The following CPNE2 variants were observed in gnomAD, a reference collection of about 807,000 sequenced individuals.
CPNE2 encodes the protein copine-2.
CPNE2 carries 42 observed loss-of-function variants against 69.7 expected under a neutral mutation model. That is an observed-to-expected ratio of 0.60 (90% CI 0.47 to 0.78). The LOEUF is 0.78. CPNE2 is among the 30% of genes least tolerant of loss of function. The pLI is 0.00. For missense variants in CPNE2, 587 were observed against 732.0 expected (o/e 0.80, Z 2.29); for synonymous variants, 294 against 289.8 (o/e 1.01, Z -0.15).
chr16:57,110,837 G>T lies in CPNE2; in HGVS notation c.95G>T (p.Gly32Val). The change falls in exon 2 of 16, where the codon GGC becomes GTC. Residue 32 changes from glycine (G) to valine (V), a missense_variant. This residue lies in a region of CPNE2 where 96 missense variants were observed against 94.9 expected (regional missense o/e 1.01). Coordinates refer to ENST00000290776, the MANE Select transcript of CPNE2 (RefSeq NM_152727.6). ...TGCAAGGTGGAGCTGTCAGTGAGTG[G>T]CCAGAACCTACTGGACCGGGATGTT... ...CVCKVELSVS[G>V]QNLLDRDVTS... 1 of 1,613,948 alleles carries T rather than the reference G, an allele frequency of 6.2e-7. No individual in the cohort carries two copies. Among genetic ancestry groups the T allele is most frequent in the East Asian group, 2.2e-5 (1 of 44,850 alleles).
At chr16:57,140,387 G>C (rs1290307885) in intron 14 of CPNE2, among the ~76,000 whole-genome samples, 5 of 152,046 alleles carry the variant, frequency 3.3e-5, no homozygotes, top group African/African-American at 1.2e-4. Context: ...GGCCAGGCCT[G>C]TCTCAAACCC....
intron 1 of CPNE2, among the ~76,000 whole-genome samples, chr16:57,096,720 C>T (rs1254462027): frequency 6.8e-6 from 1 of 146,442 alleles, no homozygotes; most frequent in East Asian, 2.1e-4. Flanking sequence ...AAAAAAAAGA[C>T]TTGGGGTCCA....
At chr16:57,115,909 C>T (rs1294930910) in intron 4 of CPNE2, among the ~76,000 whole-genome samples, 2 of 152,246 alleles carry the variant, frequency 1.3e-5, no homozygotes, top group African/African-American at 2.4e-5. Context: ...GCAGTAATTC[C>T]GCTGGAGATG....
intron 1 of CPNE2, among the ~76,000 whole-genome samples, chr16:57,099,894 G>A (rs1206566828): frequency 6.6e-6 from 1 of 150,606 alleles, no homozygotes; most frequent in Non-Finnish European, 1.5e-5. Flanking sequence ...TCCTGCCTCA[G>A]CCTCCCGAAT....
rs151126017 is a variant in CPNE2 at position 57,133,567 on chromosome 16, C to T, written c.1117-1208C>T. On this transcript the variant is annotated intron_variant, in intron 12 of 15. Transcript: ENST00000290776. The stretch of plus-strand genomic sequence containing the variant: ...CAGGAGAGCCTCCCAGTACCCCCAT[C>T]GTCATGTCTTGGAGCTGAAGAGTCT... 3.7e-3 allele frequency among the ~76,000 whole-genome samples: 556 copies of T among 152,276 alleles called. 4 individuals are homozygous for T. The highest frequency in any genetic ancestry group is 0.013 in the African/African-American group (531 of 41,548).
At chr16:57,135,390 C>T (rs1400907300) in intron 13 of CPNE2, among the ~76,000 whole-genome samples, 3 of 152,126 alleles carry the variant, frequency 2.0e-5, no homozygotes, top group Non-Finnish European at 4.4e-5. Context: ...TATTAGAGGC[C>T]GGATGCTGTG....
At chr16:57,113,061 A>T (rs1173310127) in intron 2 of CPNE2, 4 of 476,160 alleles carry the variant, frequency 8.4e-6, no homozygotes, top group African/African-American at 8.0e-5. Context: ...CTCGGTTTCA[A>T]ATCTCGGCCC....
intron 1 of CPNE2, among the ~76,000 whole-genome samples, chr16:57,104,423 G>A (rs1451806410): frequency 6.6e-6 from 1 of 152,186 alleles, no homozygotes; most frequent in Non-Finnish European, 1.5e-5. Flanking sequence ...TTCCACCCCT[G>A]TGAAGTAGGA....
intron 4 of CPNE2, among the ~76,000 whole-genome samples, chr16:57,116,815 C>T (rs958538274): frequency 5.9e-5 from 9 of 152,152 alleles, no homozygotes; most frequent in African/African-American, 1.9e-4. Context: ...AGATGCCTTG[C>T]GCTGGGTGAG....
chr16:57,107,495 C>T (rs1472962855), intron 1 of CPNE2, among the ~76,000 whole-genome samples: 1 of 152,200 alleles, frequency 6.6e-6, no homozygotes, highest in Non-Finnish European at 1.5e-5. Flanking sequence ...ACTGCATCTG[C>T]CCAGCAAGAG....
chr16:57,114,165 G>A (rs571862364), intron 3 of CPNE2, among the ~76,000 whole-genome samples: 7 of 152,302 alleles, frequency 4.6e-5, no homozygotes, highest in South Asian at 4.1e-4. Flanking sequence ...TACTTTTTGC[G>A]TAAGAAGCAG....
At chr16:57,113,225 A>C in intron 2 of CPNE2, 63 bp from the exon 3 acceptor site, 1 of 1,486,802 alleles carries the variant, frequency 6.7e-7, no homozygotes, top group Admixed American at 1.8e-5. Flanking sequence ...GATTTCCAGC[A>C]GCCTGCGAGG....
chr16:57,133,488 G>T (rs1292080008), intron 12 of CPNE2, among the ~76,000 whole-genome samples: 2 of 152,164 alleles, frequency 1.3e-5, no homozygotes, highest in African/African-American at 4.8e-5. Context: ...CTGGTGCCTG[G>T]CTTCCCTTTT....
intron 10 of CPNE2, chr16:57,124,957 C>A (rs2069789959): frequency 3.7e-6 from 1 of 271,836 alleles, no homozygotes; most frequent in African/African-American, 2.2e-5. Context: ...TGTGTCCCTG[C>A]AGCGGTCCCT....
chr16:57,119,742 T>G, intron 7 of CPNE2, 92 bp downstream of exon 7: 4 of 812,306 alleles, frequency 4.9e-6, no homozygotes, highest in Non-Finnish European at 7.8e-6. Flanking sequence ...TAGAAAGCTC[T>G]TTCTCATACA....
Position 57,146,690 on chromosome 16 carries a change from C to T in CPNE2, c.1539+369C>T, listed in dbSNP as rs1302738857. 1 of 197,890 alleles carries T rather than the reference C, an allele frequency of 5.1e-6. No homozygotes were observed. Among genetic ancestry groups the T allele is most frequent in the Non-Finnish European group, 1.0e-5 (1 of 96,252 alleles). 12.3% of individuals were successfully genotyped at this position (197,890 alleles called of 1,614,324 possible). A position where few individuals can be genotyped will look rare whatever the true frequency, so the allele number is the denominator to read the frequency against. On this transcript the variant is annotated intron_variant, in intron 15 of 15. Coordinates refer to ENST00000290776, the MANE Select transcript of CPNE2 (RefSeq NM_152727.6). This position sits in a 1 kb window ranked among gnomAD's most constrained non-coding sequence, Gnocchi z 4.4. ...GAGGGGTTTTCCTGATCATCACGCCCCAGCAAGCCCCCTCATTTTGTAGAC... is the reference window on the plus strand; with the variant it reads ...GAGGGGTTTTCCTGATCATCACGCCTCAGCAAGCCCCCTCATTTTGTAGAC...
intron 2 of CPNE2, among the ~76,000 whole-genome samples, chr16:57,112,633 C>T (rs1285708253): frequency 6.6e-6 from 1 of 152,222 alleles, no homozygotes; most frequent in African/African-American, 2.4e-5. Flanking sequence ...TTTCCTGTCC[C>T]AGTGCCACCA....
In CPNE2 at chr16:57,125,853, T is replaced by C. The variant is rs1364595204; in HGVS notation, c.928-7T>C. 1 of 1,614,090 alleles carries C rather than the reference T, an allele frequency of 6.2e-7. No homozygotes were observed. The highest frequency in any genetic ancestry group is 1.1e-5 in the South Asian group (1 of 91,088). On this transcript the variant is annotated splice_region_variant and splice_polypyrimidine_tract_variant and intron_variant, in intron 10 of 15. Coordinates refer to ENST00000290776, the MANE Select transcript of CPNE2 (RefSeq NM_152727.6). ...CCCACTGGGTGGCCTTTTTCTCCAC[T>C]CTGCAGGTTGGAATAGACTTTACAG... is the stretch of plus-strand genomic sequence containing the variant.
chr16:57,121,689 A>G lies in CPNE2; in HGVS notation c.796A>G (p.Ile266Val), dbSNP rs745925170. The change falls in exon 9 of 16, where the codon ATC becomes GTC. Residue 266 changes from isoleucine to valine, a missense_variant. Transcript: ENST00000290776. ...RDSVPLEFEC[I>V]NPKKQRKKKN... is the part of the protein sequence containing the mutation. ...CGTTGCCCAGCTGGAGTTCGAGTGCATCAACCCCAAGAAGCAGAGGAAGAA... is the reference window on the plus strand; with the variant it reads ...CGTTGCCCAGCTGGAGTTCGAGTGCGTCAACCCCAAGAAGCAGAGGAAGAA... 2.4e-5 allele frequency: 38 copies of G among 1,614,044 alleles called. 1 individual carries two copies. Among genetic ancestry groups the G allele is most frequent in the Non-Finnish European group, 1.7e-6 (2 of 1,180,024 alleles).
Sources: gnomAD v4.1 joint callset for allele counts (sites outside exome capture counted in the v4.1 genomes callset) on GRCh38, gnomAD v4.1.1 for gene constraint, gnomAD v4.1.1 regional missense constraint, Gnocchi (gnomAD v3.1) non-coding constraint, MANE v1.5 for transcripts, NCBI Gene and HGNC (gene_info 2026-07-23, HGNC 2026-07-21) for gene names.